NET1: variants seen among roughly 807,000 people sequenced by gnomAD.
NET1 encodes the protein neuroepithelial cell-transforming gene 1 protein.
NET1 carries 42 observed loss-of-function variants against 61.1 expected under a neutral mutation model. The ratio of observed to expected loss-of-function variants is 0.69; its 90% CI spans 0.54 to 0.89. The LOEUF (loss-of-function observed/expected upper bound fraction) is 0.89. Ranked by LOEUF, NET1 falls within the 40% of genes least tolerant of loss-of-function variation. The pLI, the probability that NET1 is intolerant of heterozygous loss-of-function variation, is 0.00. For synonymous variants in NET1, 254 were observed against 281.8 expected (o/e 0.90, Z 0.99); for missense variants, 654 against 747.3 (o/e 0.88, Z 1.46).
intron 1 of NET1, among the ~76,000 whole-genome samples, chr10:5,413,454 TGA>T (rs1444363372): frequency 2.0e-5 from 3 of 152,170 alleles, no homozygotes; most frequent in African/African-American, 7.2e-5. Flanking sequence ...TACATTGAAA[TGA>T]GAGTGTATGA....
Position 5,451,953 on chromosome 10 carries a change from G to A in NET1, c.363+16G>A. On this transcript the variant is annotated intron_variant, in intron 4 of 11. Transcript: ENST00000355029. This position sits in a 1 kb window ranked among gnomAD's most constrained non-coding sequence, Gnocchi z 6.1. ...AACAATACAGGTAAAAAGAGAGGAG[G>A]AAGAGTAATGTAGTCAGCGGACTTT... 6.3e-7 allele frequency: 1 copy of A among 1,584,136 alleles called. No homozygotes were observed. Among genetic ancestry groups the A allele is most frequent in the Non-Finnish European group, 8.7e-7 (1 of 1,153,622 alleles).
chr10:5,439,586 C>A lies in NET1; in HGVS notation c.255+10357C>A, dbSNP rs1832491942. On this transcript the variant is annotated intron_variant, in intron 3 of 11. Coordinates refer to ENST00000355029, the MANE Select transcript of NET1 (RefSeq NM_001047160.3). The surrounding 1 kb of genome is among the most constrained non-coding windows in gnomAD (Gnocchi z 4.8). ...CCTGTTTGTTTTGGGCACCTCTGAT[C>A]GCACAGTTAAATGATGTCCTGTAGC... Among the ~76,000 whole-genome samples the A allele has an allele frequency of 6.6e-6, 1 of 152,186 alleles. No individual in the cohort carries two copies.
rs1832725817 is a variant in NET1, at chr10:5,452,634, G to A, written c.531+109G>A. 19 of 1,188,296 alleles carry A rather than the reference G, an allele frequency of 1.6e-5. No individual in the cohort carries two copies. In the Admixed American group the frequency reaches 2.2e-4, roughly 14 times the overall value. 73.6% of individuals were successfully genotyped at this position (1,188,296 alleles called of 1,614,324 possible). A position where few individuals can be genotyped will look rare whatever the true frequency, so the allele number is the denominator to read the frequency against. ...TGAGCAACAATTCCTAATACATGGT[G>A]AACAAAACCTAATGATGGATGGTGG... On this transcript the variant is annotated intron_variant, in intron 5 of 11. Transcript: ENST00000355029. This position sits in a 1 kb window ranked among gnomAD's most constrained non-coding sequence, Gnocchi z 4.0.
At chr10:5,450,546 G>A (rs992238586) in intron 3 of NET1, among the ~76,000 whole-genome samples, 1 of 151,870 alleles carries the variant, frequency 6.6e-6, no homozygotes, top group Non-Finnish European at 1.5e-5. Flanking sequence ...CTTTAGTCAT[G>A]TCAAAGAATT....
chr10:5,429,802 G>A (rs1384156925), intron 3 of NET1, among the ~76,000 whole-genome samples: 1 of 152,092 alleles, frequency 6.6e-6, no homozygotes, highest in African/African-American at 2.4e-5. Flanking sequence ...CAAAAACCTA[G>A]TATCTTTGGA....
chr10:5,429,647 AATACATGC>A (rs1160278411), intron 3 of NET1, among the ~76,000 whole-genome samples: 1 of 152,252 alleles, frequency 6.6e-6, no homozygotes, highest in Non-Finnish European at 1.5e-5. Flanking sequence ...TTTCTTAAAA[AATACATGC>A]AAGCAAAATA....
In NET1 at chr10:5,453,575, G is replaced by T. The variant is rs1431889521; in HGVS notation, c.768+15G>T. 6.2e-7 allele frequency: 1 copy of T among 1,609,764 alleles called. No homozygotes were observed. Among genetic ancestry groups the T allele is most frequent in the Non-Finnish European group, 8.5e-7 (1 of 1,176,092 alleles). Reference sequence around the variant, plus strand: ...TCGTGAGCTGGGTATGTAGTGAGTTGTTGACCCCAGATACAGTTTCTTACA... The same window carrying T: ...TCGTGAGCTGGGTATGTAGTGAGTTTTTGACCCCAGATACAGTTTCTTACA... On this transcript the variant is annotated intron_variant, in intron 8 of 11. Transcript: ENST00000355029. The surrounding 1 kb of genome is among the most constrained non-coding windows in gnomAD (Gnocchi z 4.9).
In NET1 at chr10:5,454,115, T is replaced by C. The variant is rs370024226; in HGVS notation, c.769-150T>C. On this transcript the variant is annotated intron_variant, in intron 8 of 11. Coordinates refer to ENST00000355029, the MANE Select transcript of NET1 (RefSeq NM_001047160.3). The surrounding 1 kb of genome is among the most constrained non-coding windows in gnomAD (Gnocchi z 8.1). ...ATTTTGATGATTGCTAAAATGCTAT[T>C]CAGCTTCCATTATTATCTGCCAGAA... 1.3e-5 allele frequency: 11 copies of C among 821,008 alleles called. No individual in the cohort carries two copies. Among genetic ancestry groups the C allele is most frequent in the East Asian group, 7.5e-5 (3 of 40,022 alleles). 50.9% of individuals were successfully genotyped at this position (821,008 alleles called of 1,614,324 possible). A position where few individuals can be genotyped will look rare whatever the true frequency, so the allele number is the denominator to read the frequency against.
intron 3 of NET1, among the ~76,000 whole-genome samples, chr10:5,438,871 C>T (rs185991139): frequency 9.4e-4 from 143 of 152,312 alleles, no homozygotes; most frequent in African/African-American, 3.3e-3. Context: ...GGTAAAAGAG[C>T]GCCCCTGCTG....
At chr10:5,432,659 G>A (rs1338839355) in intron 3 of NET1, among the ~76,000 whole-genome samples, 1 of 151,516 alleles carries the variant, frequency 6.6e-6, no homozygotes, top group Non-Finnish European at 1.5e-5. Context: ...ATTCTACAGA[G>A]GATTCTTGTT....
rs1404786759 is a variant in NET1 at position 5,446,878 on chromosome 10, G to A, written c.256-4952G>A. ...CAAGAGGTAAGACTTTAAGAGAAAC[G>A]TTAGGCAAAAGGAATGTTTTCTAAC... On this transcript the variant is annotated intron_variant, in intron 3 of 11. Coordinates refer to ENST00000355029, the MANE Select transcript of NET1 (RefSeq NM_001047160.3). The surrounding 1 kb of genome is among the most constrained non-coding windows in gnomAD (Gnocchi z 5.0). 3 of 1,586,174 alleles carry A rather than the reference G, an allele frequency of 1.9e-6. No individual in the cohort carries two copies. The African/African-American group carries it at 4.0e-5, about 21-fold the overall frequency.
chr10:5,438,976 A>C (rs1004926406), intron 3 of NET1, among the ~76,000 whole-genome samples: 1 of 152,168 alleles, frequency 6.6e-6, no homozygotes, highest in Non-Finnish European at 1.5e-5. Flanking sequence ...AATCACTAGC[A>C]CCTTAGAGTC....
rs1832178001 is a variant in NET1, at chr10:5,421,815, C to G, written c.129-4840C>G. Among the ~76,000 whole-genome samples, 1 of 152,192 alleles carries G rather than the reference C, an allele frequency of 6.6e-6. No homozygotes were observed. On this transcript the variant is annotated intron_variant, in intron 1 of 11. Transcript: ENST00000355029. The surrounding 1 kb of genome is among the most constrained non-coding windows in gnomAD (Gnocchi z 4.2). ...CCAGCCCTAGGCAGCCACTGATCTG[C>G]TTTCTAGCTCTATAAATTTCTATTT...
At chr10:5,433,320 CAT>C (rs1284404235) in intron 3 of NET1, among the ~76,000 whole-genome samples, 1 of 152,160 alleles carries the variant, frequency 6.6e-6, no homozygotes, top group Non-Finnish European at 1.5e-5. Flanking sequence ...ACCCACAAGC[CAT>C]ATGTGACTGA....
intron 3 of NET1, among the ~76,000 whole-genome samples, chr10:5,434,695 C>CTT (rs11288889): frequency 7.7e-5 from 8 of 104,422 alleles, no homozygotes; most frequent in African/African-American, 2.2e-4. Flanking sequence ...TGTGGGTTTT[C>CTT]TTTTTTTTTT....
rs1832173217 is a variant in NET1, at chr10:5,421,461, C to T, written c.129-5194C>T. ...GGCTTACTCTTTGAATTTTGTTTTTCCAGTAAAATTAATTGATGGATTTGT... is the reference window on the plus strand; with the variant it reads ...GGCTTACTCTTTGAATTTTGTTTTTTCAGTAAAATTAATTGATGGATTTGT... On this transcript the variant is annotated intron_variant, in intron 1 of 11. Coordinates refer to ENST00000355029, the MANE Select transcript of NET1 (RefSeq NM_001047160.3). This position sits in a 1 kb window ranked among gnomAD's most constrained non-coding sequence, Gnocchi z 4.2. Among the ~76,000 whole-genome samples, 1 of 152,046 alleles carries T rather than the reference C, an allele frequency of 6.6e-6. No homozygotes were observed. The highest frequency in any genetic ancestry group is 1.5e-5 in the Non-Finnish European group (1 of 68,002).
chr10:5,425,827 A>G lies in NET1; in HGVS notation c.129-828A>G, dbSNP rs191349023. Among the ~76,000 whole-genome samples, 35 of 152,354 alleles carry G rather than the reference A, an allele frequency of 2.3e-4. 2 individuals carry two copies. The East Asian group carries it at 5.4e-3, about 23-fold the overall frequency. On this transcript the variant is annotated intron_variant, in intron 1 of 11. Coordinates refer to ENST00000355029, the MANE Select transcript of NET1 (RefSeq NM_001047160.3). Reference sequence around the variant, plus strand: ...ATCTTCATTTATTTCCACAAGGAAAAAAATAATGTGTTCATTCTACATTTG... The same window carrying G: ...ATCTTCATTTATTTCCACAAGGAAAGAAATAATGTGTTCATTCTACATTTG...
In NET1 at chr10:5,420,259, G is replaced by GT. The variant is rs1040062610; in HGVS notation, c.129-6395dup. On this transcript the variant is annotated intron_variant, in intron 1 of 11. Transcript: ENST00000355029. This position sits in a 1 kb window ranked among gnomAD's most constrained non-coding sequence, Gnocchi z 5.3. ...AAGTAATGGGCAAGTATACATGGAT[G>GT]TATGTACAAGAAAGTATATCCTAGC... 1.3e-5 allele frequency among the ~76,000 whole-genome samples: 2 copies of GT among 152,206 alleles called. No individual in the cohort carries two copies. The highest frequency in any genetic ancestry group is 4.8e-5 in the African/African-American group (2 of 41,448).
In NET1 at chr10:5,458,603, C is replaced by T. The variant is rs770743506; in HGVS notation, c.*1609C>T. ...ACCTTTGAAATCATTGATGAATCAG[C>T]GAAAGGTAGGTAAGTCTTGTGTTAG... On this transcript the variant is annotated 3_prime_UTR_variant, in exon 12 of 12. Transcript: ENST00000355029. The surrounding 1 kb of genome is among the most constrained non-coding windows in gnomAD (Gnocchi z 4.5). The T allele has an allele frequency of 5.2e-5, 8 of 152,538 alleles. No homozygotes were observed. Among genetic ancestry groups the T allele is most frequent in the East Asian group, 3.9e-4 (2 of 5,180 alleles). 9.4% of individuals were successfully genotyped at this position (152,538 alleles called of 1,614,324 possible). A position where few individuals can be genotyped will look rare whatever the true frequency, so the allele number is the denominator to read the frequency against.
Sources: allele counts gnomAD v4.1 joint callset (sites outside exome capture counted in the v4.1 genomes callset), GRCh38; gene constraint gnomAD v4.1.1; non-coding constraint Gnocchi (gnomAD v3.1); transcripts MANE v1.5; gene names NCBI Gene and HGNC (gene_info 2026-07-23, HGNC 2026-07-21).